Variants in PRXL2C observed in about 807,000 individuals in gnomAD.
The protein encoded by PRXL2C is peroxiredoxin-like 2C.
Under a neutral mutation model 24.9 loss-of-function variants are expected in PRXL2C, and 38 were observed. The ratio of observed to expected loss-of-function variants is 1.53; its 90% CI spans 1.18 to 2.00. The LOEUF (loss-of-function observed/expected upper bound fraction) is 2.00, where lower values mean the gene tolerates loss of function less well. Ranked by LOEUF, PRXL2C falls within the 30% of genes most tolerant of loss-of-function variation. The pLI is 0.00. For missense variants in PRXL2C, 294 were observed against 290.9 expected (o/e 1.01, Z -0.08); for synonymous variants, 98 against 117.2 (o/e 0.84, Z 1.06).
chr9:96,644,970 G>A (rs527637552), intron 5 of PRXL2C, among the ~76,000 whole-genome samples: 1 of 131,748 alleles, frequency 7.6e-6, no homozygotes, highest in East Asian at 2.5e-4. Context: ...TCAGTGGTGC[G>A]ATCTCGGCGC....
Position 96,641,947 on chromosome 9 carries a change from C to A in PRXL2C, c.554-61G>T, listed in dbSNP as rs980108558. Reference sequence around the variant, plus strand: ...TATTATTCATCAGATTTACTGCTTACTAAAATCAAGGAAGCTTTTCAACCT... The same window carrying A: ...TATTATTCATCAGATTTACTGCTTAATAAAATCAAGGAAGCTTTTCAACCT... On this transcript the variant is annotated intron_variant, in intron 5 of 5. Transcript: ENST00000375234. 5 of 1,350,044 alleles carry A rather than the reference C, an allele frequency of 3.7e-6. No homozygotes were observed. The East Asian group carries it at 1.3e-4, about 36-fold the overall frequency. 83.6% of individuals were successfully genotyped at this position (1,350,044 alleles called of 1,614,324 possible). A position where few individuals can be genotyped will look rare whatever the true frequency, so the allele number is the denominator to read the frequency against.
At chr9:96,653,893 T>G (rs1848310471) in intron 2 of PRXL2C, among the ~76,000 whole-genome samples, 1 of 151,756 alleles carries the variant, frequency 6.6e-6, no homozygotes, top group Non-Finnish European at 1.5e-5. Flanking sequence ...CAGGCTGGAG[T>G]GCAGTGGTGC....
intron 2 of PRXL2C, among the ~76,000 whole-genome samples, chr9:96,654,479 C>CTGTTACCT (rs1252813816): frequency 2.0e-5 from 3 of 152,212 alleles, no homozygotes; most frequent in Non-Finnish European, 4.4e-5. Context: ...ACTAGGTTAC[C>CTGTTACCT]AGGCAACACC....
At chr9:96,654,151 T>G (rs1384021814) in intron 2 of PRXL2C, among the ~76,000 whole-genome samples, 1 of 152,206 alleles carries the variant, frequency 6.6e-6, no homozygotes, top group African/African-American at 2.4e-5. Context: ...CACAGTTATT[T>G]AATCAATGTT....
At chr9:96,651,555 T>G in intron 3 of PRXL2C, 60 bp from the exon 4 acceptor site, 2 of 1,559,558 alleles carry the variant, frequency 1.3e-6, no homozygotes, top group Non-Finnish European at 1.8e-6. Context: ...GTAATGATAC[T>G]CTAACTTCAG....
intron 4 of PRXL2C, 140 bp from the exon 5 acceptor site, chr9:96,646,164 A>G: frequency 5.9e-6 from 6 of 1,013,276 alleles, no homozygotes; most frequent in Admixed American, 3.0e-5. Context: ...TTTGGCTCAG[A>G]TCATTCTTTG....
Position 96,645,950 on chromosome 9 carries a change from G to C in PRXL2C, c.496C>G (p.Leu166Val), listed in dbSNP as rs531120636. 11 of 1,613,830 alleles carry C rather than the reference G, an allele frequency of 6.8e-6. No individual in the cohort carries two copies. The highest frequency in any genetic ancestry group is 6.6e-5 in the South Asian group (6 of 91,048). ...GCTGGGTCTCCTTGAAAATCAAAGA[G>C]AGGGCCAGTCACTGCCCGCCACAGG... is the stretch of plus-strand genomic sequence containing the variant. ...QSLWRAVTGPLFDFQGDPAQQ... is the reference protein window; with the variant it reads ...QSLWRAVTGPVFDFQGDPAQQ... The change falls in exon 5 of 6, where the codon CTC becomes GTC. Residue 166 changes from leucine (L) to valine (V), a missense_variant. Physicochemically the swap from Leu to Val is conservative, Grantham distance 32. Coordinates refer to ENST00000375234, the MANE Select transcript of PRXL2C (RefSeq NM_153698.2).
chr9:96,645,751 T>C lies in PRXL2C; in HGVS notation c.553+142A>G, dbSNP rs563274507. Reference sequence around the variant, plus strand: ...GGCAGAGCTTGCAGTGAGCCGAGATTGCGCCACTGCACTCCAGCCTTGGCG... The same window carrying C: ...GGCAGAGCTTGCAGTGAGCCGAGATCGCGCCACTGCACTCCAGCCTTGGCG... On this transcript the variant is annotated intron_variant, in intron 5 of 5. Transcript: ENST00000375234. 96 of 901,962 alleles carry C rather than the reference T, an allele frequency of 1.1e-4. No individual in the cohort carries two copies. In the South Asian group the frequency reaches 1.7e-3, roughly 16 times the overall value. 55.9% of individuals were successfully genotyped at this position (901,962 alleles called of 1,614,324 possible). A position where few individuals can be genotyped will look rare whatever the true frequency, so the allele number is the denominator to read the frequency against.
chr9:96,648,774 G>T (rs1315288622), intron 4 of PRXL2C, among the ~76,000 whole-genome samples: 1 of 152,054 alleles, frequency 6.6e-6, no homozygotes, highest in Admixed American at 6.6e-5. Context: ...TATATAAAGT[G>T]CTAAATTTTT....
intron 2 of PRXL2C, 141 bp downstream of exon 2, chr9:96,654,564 C>T (rs1482507851): frequency 2.8e-6 from 2 of 716,814 alleles, no homozygotes; most frequent in South Asian, 1.8e-5. Flanking sequence ...CGTCTCACTC[C>T]TTTTGGAGGG....
Position 96,651,751 on chromosome 9 carries a change from ATTATGCATGTT to A in PRXL2C, c.262-50_262-40del, listed in dbSNP as rs372310968. 1.3e-3 allele frequency: 2,044 copies of A among 1,527,270 alleles called. 22 individuals carry two copies. In the African/African-American group the frequency reaches 0.023, roughly 17 times the overall value. The allele number at this position is 1,527,270 out of a possible 1,614,324, so 94.6% of individuals were successfully genotyped here. A position where few individuals can be genotyped will look rare whatever the true frequency, so the allele number is the denominator to read the frequency against. On this transcript the variant is annotated intron_variant, in intron 2 of 5. Coordinates refer to ENST00000375234, the MANE Select transcript of PRXL2C (RefSeq NM_153698.2). ...AAAGGACATGTATATATCATTAGAA[ATTATGCATGTT>A]TTATACAACATCCCTTAACCCAACT...
rs376957960 is a variant in PRXL2C, at chr9:96,654,700, C to T, written c.261+5G>A. 5.8e-6 allele frequency: 9 copies of T among 1,559,890 alleles called. No individual in the cohort carries two copies. In the African/African-American group the frequency reaches 6.8e-5, roughly 12 times the overall value. On this transcript the variant is annotated splice_donor_5th_base_variant and intron_variant, in intron 2 of 5. Transcript: ENST00000375234. ...GCACTGGGCCGCCCACGCTGGGAAA[C>T]TCACTTGTAAGAAACTCCTGGGGAT... is the stretch of plus-strand genomic sequence containing the variant.
rs750925726 is a variant in PRXL2C at position 96,651,721 on chromosome 9, A to G, written c.262-9T>C. The G allele has an allele frequency of 2.5e-6, 4 of 1,592,472 alleles. No individual in the cohort carries two copies. In the East Asian group the frequency reaches 6.7e-5, roughly 27 times the overall value. On this transcript the variant is annotated splice_polypyrimidine_tract_variant and intron_variant, in intron 2 of 5. Coordinates refer to ENST00000375234, the MANE Select transcript of PRXL2C (RefSeq NM_153698.2). ...AGGGTGACATTTGCTTCCTTAGGAG[A>G]AAAAAAAGGACATGTATATATCATT...
intron 4 of PRXL2C, among the ~76,000 whole-genome samples, chr9:96,648,155 G>T (rs941191801): frequency 1.3e-5 from 2 of 151,804 alleles, no homozygotes; most frequent in East Asian, 3.9e-4. Context: ...CTCCCACCTT[G>T]GCCTCCCAAA....
rs180905793 is a variant in PRXL2C at position 96,651,981 on chromosome 9, A to G, written c.262-269T>C. On this transcript the variant is annotated intron_variant, in intron 2 of 5. Transcript: ENST00000375234. Reference sequence around the variant, plus strand: ...TAGAAGAAAACTACAAAACTGCTACATGACATGGGTGTAAACAATGATTTG... The same window carrying G: ...TAGAAGAAAACTACAAAACTGCTACGTGACATGGGTGTAAACAATGATTTG... Among the ~76,000 whole-genome samples the G allele has an allele frequency of 7.0e-4, 107 of 152,378 alleles. 1 individual carries two copies. Among genetic ancestry groups the G allele is most frequent in the Non-Finnish European group, 7.3e-5 (5 of 68,036 alleles).
In PRXL2C at chr9:96,651,621, A is replaced by ATC; in HGVS notation, c.315+37_315+38insGA. 3.2e-6 allele frequency: 5 copies of ATC among 1,578,988 alleles called. No homozygotes were observed. In the South Asian group the frequency reaches 5.7e-5, roughly 18 times the overall value. ...AATGTAATTTTTATGTCTGAAACAG[A>ATC]TTTTATTCATTAGTCTCCCAATGTA... On this transcript the variant is annotated intron_variant, in intron 3 of 5. Transcript: ENST00000375234.
At chr9:96,642,744 C>T (rs1848136331) in intron 5 of PRXL2C, among the ~76,000 whole-genome samples, 1 of 152,004 alleles carries the variant, frequency 6.6e-6, no homozygotes. Flanking sequence ...CGGGGTTTCA[C>T]CAGATGGCCA....
intron 5 of PRXL2C, 132 bp from the exon 6 acceptor site, chr9:96,642,018 T>TCTG: frequency 1.6e-6 from 1 of 623,250 alleles, no homozygotes; most frequent in Non-Finnish European, 2.5e-6. Context: ...GTGCATTATA[T>TCTG]TCTCTATATA....
chr9:96,648,697 T>A (rs1365336579), intron 4 of PRXL2C, among the ~76,000 whole-genome samples: 2 of 152,224 alleles, frequency 1.3e-5, no homozygotes, highest in African/African-American at 4.8e-5. Context: ...TCTATTTAGT[T>A]TGCAATTCCA....
Sources: allele counts gnomAD v4.1 joint callset (sites outside exome capture counted in the v4.1 genomes callset), GRCh38; gene constraint gnomAD v4.1.1; transcripts MANE v1.5; gene names NCBI Gene and HGNC (gene_info 2026-07-23, HGNC 2026-07-21).